Variants in ACACA observed in about 807,000 individuals in gnomAD.
The protein encoded by ACACA is acetyl-CoA carboxylase 1.
Under a neutral mutation model 296.1 loss-of-function variants are expected in ACACA, and 103 were observed. The ratio of observed to expected loss-of-function variants is 0.35; its 90% confidence interval spans 0.30 to 0.41. The LOEUF (loss-of-function observed/expected upper bound fraction) is 0.41, where lower values mean the gene tolerates loss of function less well. ACACA is among the 10% of genes least tolerant of loss of function. The pLI is 1.00. For synonymous variants in ACACA, 953 were observed against 1,038.6 expected (o/e 0.92, Z 1.58); for missense variants, 1,554 against 2,989.7 (o/e 0.52, Z 11.20).
chr17:37,122,515 A>C lies in ACACA; in HGVS notation c.6138+16T>G. 6.2e-7 allele frequency: 1 copy of C among 1,604,800 alleles called. No homozygotes were observed. The highest frequency in any genetic ancestry group is 8.5e-7 in the Non-Finnish European group (1 of 1,171,468). On this transcript the variant is annotated intron_variant, in intron 49 of 55. Transcript: ENST00000616317. ...ACCCTCCAAGCACAGCCCCCAGTGT[A>C]CTTGAGGTGGCCTACCTTGGCTTCA...
intron 3 of ACACA, among the ~76,000 whole-genome samples, chr17:37,307,584 A>G (rs1252974029): frequency 6.6e-6 from 1 of 151,280 alleles, no homozygotes; most frequent in Non-Finnish European, 1.5e-5. Context: ...CTTTTTTCTT[A>G]TTGTTTTGTT....
At chr17:37,342,783 A>G (rs937865534) in intron 1 of ACACA, among the ~76,000 whole-genome samples, 1 of 139,076 alleles carries the variant, frequency 7.2e-6, no homozygotes, top group East Asian at 2.0e-4. Flanking sequence ...CATCTCTACC[A>G]AAAAAAAAAA....
intron 50 of ACACA, among the ~76,000 whole-genome samples, chr17:37,120,123 C>A (rs1415243275): frequency 6.6e-6 from 1 of 151,896 alleles, no homozygotes; most frequent in Non-Finnish European, 1.5e-5. Context: ...AAACTCCTGA[C>A]CTCAGGTGAT....
intron 41 of ACACA, among the ~76,000 whole-genome samples, chr17:37,169,035 A>G (rs543737485): frequency 6.6e-5 from 10 of 152,332 alleles, no homozygotes; most frequent in Non-Finnish European, 1.0e-4. Flanking sequence ...CTTTACAAAC[A>G]TATGTACATA....
intron 1 of ACACA, chr17:37,379,067 G>A (rs575248574): frequency 2.9e-5 from 44 of 1,501,326 alleles, no homozygotes; most frequent in East Asian, 1.9e-4. Flanking sequence ...GCAAGGCACC[G>A]TCTCAAAAAA....
chr17:37,400,850 A>G (rs1102920), intron 1 of ACACA, among the ~76,000 whole-genome samples: 30,341 of 152,098 alleles, frequency 0.2, 3,458 homozygotes, highest in East Asian at 0.54. Flanking sequence ...TAATGCTGCA[A>G]TGGATATGGG....
chr17:37,289,482 C>T, intron 3 of ACACA: 1 of 1,352,076 alleles, frequency 7.4e-7, no homozygotes, highest in Non-Finnish European at 9.8e-7. Context: ...TCATTATCTT[C>T]AACCCTCTAG....
intron 22 of ACACA, among the ~76,000 whole-genome samples, chr17:37,242,548 C>T (rs373757595): frequency 6.6e-6 from 1 of 151,820 alleles, no homozygotes; most frequent in African/African-American, 2.4e-5. Flanking sequence ...GGCAACATAA[C>T]GAGACCCCCA....
At chr17:37,396,750 C>A (rs535777214) in intron 1 of ACACA, among the ~76,000 whole-genome samples, 3 of 152,116 alleles carry the variant, frequency 2.0e-5, no homozygotes, top group Non-Finnish European at 4.4e-5. Flanking sequence ...TTGCCCTGGA[C>A]AGGTTGAGAG....
Position 37,377,804 on chromosome 17 carries a change from A to T in ACACA, c.38+28458T>A, listed in dbSNP as rs1199415567. ...TCTTCTCCATTGCCCAGAATTCTAA[A>T]AAGTAAGTACCAGTAAATTCTGATT... On this transcript the variant is annotated intron_variant, in intron 1 of 55. Coordinates refer to ENST00000616317, the MANE Select transcript of ACACA (RefSeq NM_198834.3). The T allele has an allele frequency of 2.4e-6, 3 of 1,231,778 alleles. No homozygotes were observed. The African/African-American group carries it at 4.5e-5, about 18-fold the overall frequency. 76.3% of individuals were successfully genotyped at this position (1,231,778 alleles called of 1,614,324 possible).
At chr17:37,404,570 A>ATTTTTTTTTTTTTTTTTTTTTTTTTTTT (rs5820212) in intron 1 of ACACA, among the ~76,000 whole-genome samples, 1 of 104,742 alleles carries the variant, frequency 9.5e-6, no homozygotes, top group Non-Finnish European at 1.9e-5. Flanking sequence ...TGCCACAGTG[A>ATTTTTTTTTTTTTTTTTTTTTTTTTTTT]TTTTTTTTTT....
At chr17:37,140,839 G>T (rs2075541985) in intron 45 of ACACA, 2 of 245,002 alleles carry the variant, frequency 8.2e-6, no homozygotes, top group South Asian at 1.1e-4. Flanking sequence ...CATCAATACT[G>T]GCCATCATCA....
intron 42 of ACACA, among the ~76,000 whole-genome samples, chr17:37,159,491 G>A (rs2076381912): frequency 6.6e-6 from 1 of 152,090 alleles, no homozygotes; most frequent in Non-Finnish European, 1.5e-5. Flanking sequence ...CGAAGTGCTG[G>A]GTTACTGCAA....
chr17:37,228,860 A>G (rs776705437), intron 25 of ACACA, among the ~76,000 whole-genome samples: 22 of 152,090 alleles, frequency 1.4e-4, no homozygotes, highest in Non-Finnish European at 3.2e-4. Context: ...TAAGAGCACT[A>G]GGGCCAGGCG....
chr17:37,196,339 G>A (rs979953209), intron 35 of ACACA, among the ~76,000 whole-genome samples: 3 of 151,626 alleles, frequency 2.0e-5, no homozygotes, highest in Non-Finnish European at 4.4e-5. Flanking sequence ...CATATAGTGA[G>A]CTCTTCCTTC....
chr17:37,399,654 G>A (rs554109363), intron 1 of ACACA, among the ~76,000 whole-genome samples: 1 of 152,238 alleles, frequency 6.6e-6, no homozygotes, highest in East Asian at 1.9e-4. Flanking sequence ...CAGATATTCC[G>A]CACTCTGTGT....
intron 39 of ACACA, among the ~76,000 whole-genome samples, chr17:37,182,115 T>C (rs1243133094): frequency 1.3e-5 from 2 of 151,922 alleles, no homozygotes; most frequent in Non-Finnish European, 2.9e-5. Flanking sequence ...CTTTCCTCAA[T>C]GGCAGAAGGC....
At chr17:37,197,345 A>C (rs1404600090) in intron 35 of ACACA, among the ~76,000 whole-genome samples, 1 of 152,118 alleles carries the variant, frequency 6.6e-6, no homozygotes, top group Non-Finnish European at 1.5e-5. Context: ...TTATTCCACT[A>C]ACCAATGTGC....
In ACACA at chr17:37,314,289, T is replaced by C. The variant is rs952299950; in HGVS notation, c.338+15884A>G. Among the ~76,000 whole-genome samples, 8 of 151,616 alleles carry C rather than the reference T, an allele frequency of 5.3e-5. No homozygotes were observed. The South Asian group carries it at 1.0e-3, about 20-fold the overall frequency. On this transcript the variant is annotated intron_variant, in intron 3 of 55. Coordinates refer to ENST00000616317, the MANE Select transcript of ACACA (RefSeq NM_198834.3). ...TAATTTTTTGTATTTTTAGTAGAGA[T>C]GAGGTTTCACCGTGTTAGCCAGGAT...
Sources: gnomAD v4.1 joint callset for allele counts (sites outside exome capture counted in the v4.1 genomes callset) on GRCh38, gnomAD v4.1.1 for gene constraint, MANE v1.5 for transcripts, NCBI Gene and HGNC (gene_info 2026-07-23, HGNC 2026-07-21) for gene names.